PLCL2: variants seen among roughly 807,000 people sequenced by gnomAD.
PLCL2 encodes the protein inactive phospholipase C-like protein 2.
Under a neutral mutation model 79.6 loss-of-function variants are expected in PLCL2, and 4 were observed. The ratio of observed to expected loss-of-function variants is 0.05; its 90% CI spans 0.02 to 0.11. The LOEUF (loss-of-function observed/expected upper bound fraction) is 0.11, where lower values mean the gene tolerates loss of function less well. Ranked by LOEUF, PLCL2 falls within the 10% of genes least tolerant of loss-of-function variation. The probability of loss-of-function intolerance (pLI) is 1.00; values close to 1 mark genes in which losing one functional copy is unlikely to be tolerated. For synonymous variants in PLCL2, 484 were observed against 457.7 expected (o/e 1.06, Z -0.73); for missense variants, 895 against 1,291.0 (o/e 0.69, Z 4.70).
intron 5 of PLCL2, among the ~76,000 whole-genome samples, chr3:17,076,086 T>A (rs1408132630): frequency 1.3e-5 from 2 of 152,180 alleles, no homozygotes; most frequent in African/African-American, 4.8e-5. Flanking sequence ...GATAAGAAAC[T>A]GCCACAGTGC....
chr3:16,917,872 A>G (rs1438738379), intron 1 of PLCL2, among the ~76,000 whole-genome samples: 1 of 152,124 alleles, frequency 6.6e-6, no homozygotes, highest in African/African-American at 2.4e-5. Context: ...TGTAGGATGC[A>G]ATATTGTGGT....
chr3:17,001,050 C>A (rs1160318524), intron 1 of PLCL2, among the ~76,000 whole-genome samples: 3 of 151,280 alleles, frequency 2.0e-5, no homozygotes, highest in Non-Finnish European at 4.4e-5. Flanking sequence ...AACAGTATAC[C>A]TTTCTTCACA....
chr3:16,969,449 C>G (rs1289979378), intron 1 of PLCL2, among the ~76,000 whole-genome samples: 1 of 151,926 alleles, frequency 6.6e-6, no homozygotes, highest in East Asian at 1.9e-4. Context: ...GGATTCAATT[C>G]CTTTCTGGTT....
intron 1 of PLCL2, among the ~76,000 whole-genome samples, chr3:16,960,507 T>TGA (rs2063745040): frequency 6.6e-6 from 1 of 152,238 alleles, no homozygotes; most frequent in Admixed American, 6.5e-5. Flanking sequence ...TGTCCCTCCC[T>TGA]CTGTCTCCCA....
chr3:16,891,027 A>G (rs1696335665), intron 1 of PLCL2, among the ~76,000 whole-genome samples: 1 of 152,340 alleles, frequency 6.6e-6, no homozygotes, highest in South Asian at 2.1e-4. Flanking sequence ...ACTTGGTCCC[A>G]TGGCAGGGGT....
At chr3:17,016,010 A>G (rs1247924305) in intron 3 of PLCL2, among the ~76,000 whole-genome samples, 4 of 151,496 alleles carry the variant, frequency 2.6e-5, no homozygotes, top group African/African-American at 9.8e-5. Context: ...ACATGGGGGG[A>G]AAGTTCCTTG....
chr3:16,931,739 C>T (rs1697398017), intron 1 of PLCL2, among the ~76,000 whole-genome samples: 1 of 152,090 alleles, frequency 6.6e-6, no homozygotes, highest in Non-Finnish European at 1.5e-5. Context: ...AGAATAACAC[C>T]TCCCTGACAA....
chr3:17,012,792 A>G (rs1335591220), intron 2 of PLCL2, among the ~76,000 whole-genome samples: 2 of 152,208 alleles, frequency 1.3e-5, no homozygotes, highest in Non-Finnish European at 2.9e-5. Context: ...TCGCCCACAC[A>G]TCTAGCCATA....
intron 4 of PLCL2, among the ~76,000 whole-genome samples, chr3:17,064,303 A>G (rs1027382950): frequency 1.3e-5 from 2 of 152,196 alleles, no homozygotes; most frequent in Non-Finnish European, 2.9e-5. Context: ...GTTCAAATGT[A>G]TAATCTCATT....
At chr3:16,957,139 C>A (rs527312355) in intron 1 of PLCL2, among the ~76,000 whole-genome samples, 13 of 151,954 alleles carry the variant, frequency 8.6e-5, no homozygotes, top group East Asian at 7.7e-4. Context: ...AATTTTGGAT[C>A]TTTCCTGCTT....
At chr3:17,043,058 A>G (rs2064742022) in intron 4 of PLCL2, 109 bp downstream of exon 4, 4 of 747,804 alleles carry the variant, frequency 5.3e-6, no homozygotes, top group South Asian at 4.7e-5. Context: ...CAAATAAGAA[A>G]ATTATTTTTC....
Position 16,904,067 on chromosome 3 carries a change from T to C in PLCL2, c.327+18701T>C, listed in dbSNP as rs544681184. 9.2e-5 allele frequency among the ~76,000 whole-genome samples: 14 copies of C among 152,216 alleles called. No homozygotes were observed. The South Asian group carries it at 2.7e-3, about 29-fold the overall frequency. ...TAACATTGTGATGGTAAGAAAACTT[T>C]AGTCCTGTGAAGGAGGAGCACCTAG... On this transcript the variant is annotated intron_variant, in intron 1 of 5. Transcript: ENST00000615277.
At chr3:16,946,578 T>C (rs1455909056) in intron 1 of PLCL2, among the ~76,000 whole-genome samples, 1 of 152,190 alleles carries the variant, frequency 6.6e-6, no homozygotes, top group East Asian at 1.9e-4. Flanking sequence ...ATTACAGTTT[T>C]TATGGGAGAA....
At chr3:16,901,605 G>T (rs1006203975) in intron 1 of PLCL2, among the ~76,000 whole-genome samples, 1 of 152,178 alleles carries the variant, frequency 6.6e-6, no homozygotes, top group Non-Finnish European at 1.5e-5. Flanking sequence ...TAATTAACAG[G>T]CAGGGAGCTG....
intron 2 of PLCL2, among the ~76,000 whole-genome samples, chr3:17,013,695 CT>C (rs2064353502): frequency 6.6e-6 from 1 of 152,230 alleles, no homozygotes. Context: ...AGGCACAGGC[CT>C]GCAGGGCCTA....
At chr3:16,990,028 C>T (rs997262780) in intron 1 of PLCL2, among the ~76,000 whole-genome samples, 11 of 152,062 alleles carry the variant, frequency 7.2e-5, no homozygotes, top group Non-Finnish European at 1.0e-4. Flanking sequence ...GAGATTGTCA[C>T]TCAACTGGGA....
At chr3:16,980,743 G>A (rs1157085254) in intron 1 of PLCL2, among the ~76,000 whole-genome samples, 2 of 152,240 alleles carry the variant, frequency 1.3e-5, no homozygotes, top group Admixed American at 1.3e-4. Flanking sequence ...TGGCGGCCGG[G>A]CAGAGGCTGC....
chr3:16,975,732 C>G (rs187444236), intron 1 of PLCL2, among the ~76,000 whole-genome samples: 56 of 152,198 alleles, frequency 3.7e-4, no homozygotes, highest in Admixed American at 7.2e-4. Flanking sequence ...GGACAGAAGT[C>G]CAGGATGATT....
chr3:17,081,322 G>A (rs939318232), intron 5 of PLCL2: 1 of 451,744 alleles, frequency 2.2e-6, no homozygotes, highest in Non-Finnish European at 4.4e-6. Flanking sequence ...GGAATGGAAG[G>A]TGCTAATCTT....
Sources: allele counts gnomAD v4.1 joint callset (sites outside exome capture counted in the v4.1 genomes callset), GRCh38; gene constraint gnomAD v4.1.1; transcripts MANE v1.5; gene names NCBI Gene and HGNC (gene_info 2026-07-23, HGNC 2026-07-21).